RXFP1: variants seen among roughly 807,000 people sequenced by gnomAD.
RXFP1 encodes relaxin receptor 1.
RXFP1 carries 73 observed loss-of-function variants against 89.8 expected under a neutral mutation model. The ratio of observed to expected loss-of-function variants is 0.81; its 90% CI spans 0.67 to 0.99. The LOEUF is 0.99. RXFP1 is among the 50% of genes least tolerant of loss of function. The pLI is 0.00. For missense variants in RXFP1, 793 were observed against 895.5 expected (o/e 0.89, Z 1.46); for synonymous variants, 277 against 305.5 (o/e 0.91, Z 0.97).
rs1758848743 is a variant in RXFP1 at position 158,589,047 on chromosome 4, GGAGGAC to G, written c.188-4353_188-4348del. Among the ~76,000 whole-genome samples the G allele has an allele frequency of 3.9e-5, 6 of 152,164 alleles. No individual in the cohort carries two copies. In the South Asian group the frequency reaches 1.2e-3, roughly 32 times the overall value. On this transcript the variant is annotated intron_variant, in intron 2 of 17. Coordinates refer to ENST00000307765, the MANE Select transcript of RXFP1 (RefSeq NM_021634.4). ...TTGACTCACAATTCCACATGGCTTG[GGAGGAC>G]TCAGGAAACTTACAATCGTGACCAA...
chr4:158,612,245 T>C, intron 7 of RXFP1, 44 bp downstream of exon 7: 1 of 1,604,206 alleles, frequency 6.2e-7, no homozygotes. Context: ...AGTTTTTAGA[T>C]TCTAGAGATA....
At chr4:158,572,549 G>T (rs577516136) in intron 1 of RXFP1, 149 bp from the exon 2 acceptor site, 3 of 725,432 alleles carry the variant, frequency 4.1e-6, no homozygotes, top group Middle Eastern at 2.5e-4. Context: ...AAGAGGTGAA[G>T]GTTCCTAGAA....
chr4:158,580,243 G>A (rs2150025024), intron 2 of RXFP1, among the ~76,000 whole-genome samples: 1 of 152,298 alleles, frequency 6.6e-6, no homozygotes, highest in African/African-American at 2.4e-5. Flanking sequence ...CCTCCGGGGT[G>A]TGTGGGCTAA....
At chr4:158,598,041 A>G (rs1369856061) in intron 3 of RXFP1, among the ~76,000 whole-genome samples, 1 of 152,176 alleles carries the variant, frequency 6.6e-6, no homozygotes, top group East Asian at 1.9e-4. Flanking sequence ...GAGGAAGAAC[A>G]CATGTCACCC....
At chr4:158,605,900 C>T (rs548334187) in intron 5 of RXFP1, among the ~76,000 whole-genome samples, 88 of 152,090 alleles carry the variant, frequency 5.8e-4, no homozygotes, top group African/African-American at 2.1e-3. Context: ...ATAGGGAAAC[C>T]TGATAAATTA....
rs377727327 is a variant in RXFP1 at position 158,617,146 on chromosome 4, C to T, written c.696C>T (p.Asn232=). Residue 232 remains asparagine (N), a synonymous_variant, in exon 9 of 18, where the codon AAC becomes AAT. Transcript: ENST00000307765. ...CCTTTTTCAGAGTCCTGATGAATAACGTCCTCACCCGTTTACCTGATAAAC... is the reference window on the plus strand; with the variant it reads ...CCTTTTTCAGAGTCCTGATGAATAATGTCCTCACCCGTTTACCTGATAAAC... ...NSLILLVLMN[N]VLTRLPDKPL... 14 of 1,606,978 alleles carry T rather than the reference C, an allele frequency of 8.7e-6. No homozygotes were observed. The highest frequency in any genetic ancestry group is 1.6e-4 in the Middle Eastern group (1 of 6,070).
At chr4:158,591,218 AG>A (rs1188073367) in intron 2 of RXFP1, among the ~76,000 whole-genome samples, 2 of 152,218 alleles carry the variant, frequency 1.3e-5, no homozygotes, top group African/African-American at 4.8e-5. Context: ...ATAAAAGAGG[AG>A]CAAACATTCA....
chr4:158,593,359 C>T (rs761494344), intron 2 of RXFP1, 42 bp from the exon 3 acceptor site: 4 of 1,259,946 alleles, frequency 3.2e-6, no homozygotes, highest in Non-Finnish European at 4.6e-6. Context: ...ACCAGAATAT[C>T]TCTGTTCCTT....
intron 3 of RXFP1, among the ~76,000 whole-genome samples, chr4:158,598,031 G>A (rs371253351): frequency 1.3e-4 from 20 of 152,082 alleles, no homozygotes; most frequent in Admixed American, 8.5e-4. Flanking sequence ...TTTGGGAGGA[G>A]AGGAAGAACA....
At chr4:158,564,907 A>T (rs1753234857) in intron 1 of RXFP1, among the ~76,000 whole-genome samples, 1 of 152,188 alleles carries the variant, frequency 6.6e-6, no homozygotes, top group Admixed American at 6.5e-5. Flanking sequence ...TATAAACATC[A>T]CTTACTGGCC....
chr4:158,611,064 G>T (rs1009829692), intron 6 of RXFP1, among the ~76,000 whole-genome samples: 10 of 152,216 alleles, frequency 6.6e-5, no homozygotes, highest in African/African-American at 2.2e-4. Context: ...GGAGTAAGAG[G>T]CGTGAGCAGA....
chr4:158,627,027 A>G (rs1766991590), intron 10 of RXFP1, 136 bp downstream of exon 10: 1 of 461,546 alleles, frequency 2.2e-6, no homozygotes, highest in East Asian at 3.7e-5. Flanking sequence ...GAAACACTAA[A>G]TTGAAGTCTT....
At chr4:158,603,651 G>A (rs1035483596) in intron 4 of RXFP1, among the ~76,000 whole-genome samples, 3 of 151,586 alleles carry the variant, frequency 2.0e-5, no homozygotes, top group East Asian at 1.9e-4. Context: ...CAGCACTTTC[G>A]GAGGCCGAGG....
chr4:158,630,026 A>G (rs1311544800), intron 11 of RXFP1, among the ~76,000 whole-genome samples: 1 of 152,226 alleles, frequency 6.6e-6, no homozygotes, highest in Non-Finnish European at 1.5e-5. Flanking sequence ...CATAAAAATT[A>G]AAGAATACAA....
At chr4:158,590,633 T>C (rs1759260955) in intron 2 of RXFP1, among the ~76,000 whole-genome samples, 1 of 152,176 alleles carries the variant, frequency 6.6e-6, no homozygotes, top group African/African-American at 2.4e-5. Context: ...GTGACTTCTT[T>C]TTGTCACTGT....
At chr4:158,597,032 G>A (rs1261234119) in intron 3 of RXFP1, among the ~76,000 whole-genome samples, 2 of 152,102 alleles carry the variant, frequency 1.3e-5, no homozygotes, top group Non-Finnish European at 2.9e-5. Context: ...ATCATTGAGA[G>A]TTAAAGACAA....
At chr4:158,582,475 G>GT (rs1440779548) in intron 2 of RXFP1, among the ~76,000 whole-genome samples, 1 of 152,078 alleles carries the variant, frequency 6.6e-6, no homozygotes, top group Admixed American at 6.6e-5. Context: ...GTCCTCTGCC[G>GT]TAAGTCACCA....
At chr4:158,545,837 GT>G (rs1260908449) in intron 1 of RXFP1, among the ~76,000 whole-genome samples, 8 of 152,220 alleles carry the variant, frequency 5.3e-5, no homozygotes, top group Non-Finnish European at 8.8e-5. Flanking sequence ...GTGCCATGCT[GT>G]TTTGGTTACT....
chr4:158,596,665 A>C (rs1001592551), intron 3 of RXFP1, among the ~76,000 whole-genome samples: 22 of 152,224 alleles, frequency 1.4e-4, no homozygotes, highest in African/African-American at 5.3e-4. Context: ...TAAACCATTC[A>C]CATGATATAA....
Sources: gnomAD v4.1 joint callset for allele counts (sites outside exome capture counted in the v4.1 genomes callset) on GRCh38, gnomAD v4.1.1 for gene constraint, MANE v1.5 for transcripts, NCBI Gene and HGNC (gene_info 2026-07-23, HGNC 2026-07-21) for gene names.